THSD7B: variants seen among roughly 807,000 people sequenced by gnomAD.
THSD7B encodes the protein thrombospondin type-1 domain-containing protein 7B.
A neutral mutation model predicts 213.6 loss-of-function variants in THSD7B; 138 were observed. The observed-to-expected ratio is 0.65, with a 90% CI of 0.56 to 0.74. The LOEUF (loss-of-function observed/expected upper bound fraction) is 0.74, where lower values mean the gene tolerates loss of function less well. Among genes scored for constraint, THSD7B ranks in the 30% least tolerant of loss-of-function variants. The probability of loss-of-function intolerance (pLI) is 0.00; values close to 1 mark genes in which losing one functional copy is unlikely to be tolerated. For missense variants in THSD7B, 1,931 were observed against 1,991.5 expected, an observed-to-expected ratio of 0.97 and a Z score of 0.58; for synonymous variants, 742 against 687.0, an observed-to-expected ratio of 1.08 and a Z score of -1.25.
intron 10 of THSD7B, among the ~76,000 whole-genome samples, chr2:137,262,447 G>A (rs1169351703): frequency 4.0e-5 from 6 of 149,962 alleles, no homozygotes; most frequent in Admixed American, 2.7e-4. Flanking sequence ...AAGGGGTCAG[G>A]ATTTGCGGAA....
intron 1 of THSD7B, among the ~76,000 whole-genome samples, chr2:136,817,220 G>C (rs1682489902): frequency 6.6e-6 from 1 of 152,144 alleles, no homozygotes; most frequent in Non-Finnish European, 1.5e-5. Flanking sequence ...AGTTTTGTTT[G>C]CTGTTACTTG....
At chr2:136,815,424 A>G (rs1296500892) in intron 1 of THSD7B, among the ~76,000 whole-genome samples, 2 of 152,194 alleles carry the variant, frequency 1.3e-5, no homozygotes, top group African/African-American at 4.8e-5. Flanking sequence ...GACTCTGTTA[A>G]ACTATACCCA....
chr2:137,534,831 G>T (rs1680471923), intron 15 of THSD7B, among the ~76,000 whole-genome samples: 1 of 151,594 alleles, frequency 6.6e-6, no homozygotes, highest in South Asian at 2.1e-4. Flanking sequence ...TATTCTTTCA[G>T]GTGATTCCAT....
rs573349513 is a variant in THSD7B at position 136,858,714 on chromosome 2, A to T, written c.-35-23430A>T. On this transcript the variant is annotated intron_variant, in intron 1 of 27. Coordinates refer to ENST00000409968, the MANE Select transcript of THSD7B (RefSeq NM_001316349.2). ...ATTGCTACACTGGGAAATTGACCTA[A>T]TATTTCCAGGTGATCAGGTACTCTT... 4.6e-5 allele frequency among the ~76,000 whole-genome samples: 7 copies of T among 152,300 alleles called. No homozygotes were observed. The South Asian group carries it at 1.2e-3, about 27-fold the overall frequency.
In THSD7B at chr2:137,056,507, G is replaced by A; in HGVS notation, c.227G>A (p.Ser76Asn). Residue 76 changes from serine to asparagine, a missense_variant, in exon 3 of 28, where the codon AGT (serine) becomes AAT (asparagine). By Grantham distance (46) the Ser-to-Asn change is conservative (BLOSUM62 1). Transcript: ENST00000409968. ...VWCFHVDGWT[S>N]HLSNCGESNR... The stretch of plus-strand genomic sequence containing the variant: ...TGTTTTCATGTTGACGGGTGGACAA[G>A]TCACCTGTCTAACTGTGGTGAGAGC... 6.2e-7 allele frequency: 1 copy of A among 1,613,990 alleles called. No homozygotes were observed. The highest frequency in any genetic ancestry group is 8.5e-7 in the Non-Finnish European group (1 of 1,179,874).
At chr2:137,159,387 C>T (rs547881882) in intron 5 of THSD7B, among the ~76,000 whole-genome samples, 1 of 151,734 alleles carries the variant, frequency 6.6e-6, no homozygotes, top group South Asian at 2.1e-4. Flanking sequence ...ATGATGGTAC[C>T]ACTGCACTCC....
chr2:136,827,656 G>T (rs1372829928), intron 1 of THSD7B, among the ~76,000 whole-genome samples: 1 of 151,982 alleles, frequency 6.6e-6, no homozygotes, highest in Non-Finnish European at 1.5e-5. Context: ...GTGTCTTCCT[G>T]GTCCACTTTC....
Position 137,657,111 on chromosome 2 carries a change from T to C in THSD7B, c.4326T>C (p.Asn1442=), listed in dbSNP as rs568858805. 6.2e-7 allele frequency: 1 copy of C among 1,614,002 alleles called. No individual in the cohort carries two copies. The highest frequency in any genetic ancestry group is 1.7e-5 in the Admixed American group (1 of 60,020). The part of the protein sequence containing the change: ...HYTWKASLWN[N]NERTVWCQRS... ...CATGGAAAGCAAGTCTTTGGAACAA[T>C]AACGAACGAACTGTATGGTGCCAGC... The change falls in exon 24 of 28, where the codon AAT becomes AAC. Residue 1442 remains asparagine, a synonymous_variant. Transcript: ENST00000409968.
At chr2:137,511,900 C>T (rs952779330) in intron 15 of THSD7B, among the ~76,000 whole-genome samples, 12 of 152,118 alleles carry the variant, frequency 7.9e-5, no homozygotes, top group Non-Finnish European at 1.5e-4. Context: ...CCTTTGCCAC[C>T]TGCCCTGAAC....
Position 136,855,573 on chromosome 2 carries a change from G to A in THSD7B, c.-35-26571G>A, listed in dbSNP as rs1048010089. On this transcript the variant is annotated intron_variant, in intron 1 of 27. Transcript: ENST00000409968. The stretch of plus-strand genomic sequence containing the variant: ...CCTGAGAAGCTGGGATTACAGGTGC[G>A]TGCCACCGCATCCGGCTATTATTTA... Among the ~76,000 whole-genome samples, 12 of 149,252 alleles carry A rather than the reference G, an allele frequency of 8.0e-5. No homozygotes were observed. The East Asian group carries it at 9.8e-4, about 12-fold the overall frequency.
chr2:137,186,026 T>C (rs1680544990), intron 7 of THSD7B, among the ~76,000 whole-genome samples: 1 of 152,236 alleles, frequency 6.6e-6, no homozygotes, highest in Non-Finnish European at 1.5e-5. Flanking sequence ...TCCACTTGTA[T>C]ATCTTCTTTG....
intron 12 of THSD7B, among the ~76,000 whole-genome samples, chr2:137,311,763 T>C (rs1170709660): frequency 4.0e-5 from 6 of 151,292 alleles, no homozygotes; most frequent in African/African-American, 9.7e-5. Flanking sequence ...ATTGAGATAA[T>C]CATGTGGTTT....
intron 5 of THSD7B, among the ~76,000 whole-genome samples, chr2:137,146,712 C>T (rs1036502688): frequency 2.0e-5 from 3 of 151,926 alleles, no homozygotes; most frequent in African/African-American, 7.3e-5. Context: ...CACAAATACA[C>T]ATATAGCACA....
intron 10 of THSD7B, among the ~76,000 whole-genome samples, chr2:137,251,957 C>T (rs1682187624): frequency 6.6e-6 from 1 of 152,144 alleles, no homozygotes; most frequent in African/African-American, 2.4e-5. Context: ...GATCAAAGAA[C>T]TTTAAGCTAC....
At chr2:137,506,500 T>A (rs1273861649) in intron 15 of THSD7B, among the ~76,000 whole-genome samples, 1 of 152,268 alleles carries the variant, frequency 6.6e-6, no homozygotes, top group Admixed American at 6.5e-5. Flanking sequence ...CCAAGTAGAC[T>A]GAACCTACCT....
intron 12 of THSD7B, among the ~76,000 whole-genome samples, chr2:137,364,993 C>A (rs1279377053): frequency 6.6e-6 from 1 of 152,072 alleles, no homozygotes; most frequent in African/African-American, 2.4e-5. Flanking sequence ...TCAAACTATA[C>A]TACAATGCTA....
intron 2 of THSD7B, among the ~76,000 whole-genome samples, chr2:137,036,520 T>C (rs1686779072): frequency 6.6e-6 from 1 of 152,210 alleles, no homozygotes; most frequent in Non-Finnish European, 1.5e-5. Flanking sequence ...GTAACTATTA[T>C]GGCTTATAAA....
intron 2 of THSD7B, among the ~76,000 whole-genome samples, chr2:136,939,700 A>C (rs1573722137): frequency 6.6e-6 from 1 of 152,212 alleles, no homozygotes; most frequent in Middle Eastern, 3.4e-3. Context: ...ATAACCCTTA[A>C]GTGTTATATA....
chr2:136,840,043 T>C (rs576174598), intron 1 of THSD7B, among the ~76,000 whole-genome samples: 1 of 152,242 alleles, frequency 6.6e-6, no homozygotes, highest in East Asian at 1.9e-4. Flanking sequence ...GAAAAATAAG[T>C]ACAAGGCAGA....
Sources: gnomAD v4.1 joint callset for allele counts (sites outside exome capture counted in the v4.1 genomes callset) on GRCh38, gnomAD v4.1.1 for gene constraint, MANE v1.5 for transcripts, NCBI Gene and HGNC (gene_info 2026-07-23, HGNC 2026-07-21) for gene names.